SEMA5B: variants seen among roughly 807,000 people sequenced by gnomAD.
The protein encoded by SEMA5B is semaphorin-5B.
In SEMA5B, 66 loss-of-function variants were observed where a neutral mutation model predicts 135.0. That is an observed-to-expected ratio of 0.49 (90% confidence interval 0.40 to 0.60). SEMA5B has a LOEUF of 0.60. SEMA5B is among the 20% of genes least tolerant of loss of function. SEMA5B has a pLI of 0.00. For missense variants in SEMA5B, 1,501 were observed against 1,566.3 expected (o/e 0.96, Z 0.70); for synonymous variants, 690 against 639.5 (o/e 1.08, Z -1.19).
At chr3:122,929,164 G>T in intron 5 of SEMA5B, 106 bp from the exon 6 acceptor site, 1 of 1,089,956 alleles carries the variant, frequency 9.2e-7, no homozygotes, top group Non-Finnish European at 1.4e-6. Context: ...ACATGAAGCT[G>T]TGAAGGAGGG....
At position 122,910,902 on chromosome 3, in the gene SEMA5B, G is replaced by C; in HGVS notation, c.3235C>G (p.His1079Asp). 6.2e-7 allele frequency: 1 copy of C among 1,613,794 alleles called. No homozygotes were observed. Among genetic ancestry groups the C allele is most frequent in the Non-Finnish European group, 8.5e-7 (1 of 1,180,020 alleles). The part of the protein sequence containing the change: ...STLVHPATPN[H>D]LHYKGGGTPK... Reference sequence around the variant, plus strand: ...GTGCCTCCGCCCTTGTAGTGCAAATGGTTGGGGGTGGCAGGATGGACCAGT... The same window carrying C: ...GTGCCTCCGCCCTTGTAGTGCAAATCGTTGGGGGTGGCAGGATGGACCAGT... Residue 1079 changes from histidine (H) to aspartate (D), a missense_variant, in exon 22 of 23, where the codon CAT becomes GAT. Transcript: ENST00000357599.
At chr3:123,003,562 C>T (rs928610925) in intron 1 of SEMA5B, among the ~76,000 whole-genome samples, 2 of 152,120 alleles carry the variant, frequency 1.3e-5, no homozygotes, top group African/African-American at 2.4e-5. Flanking sequence ...TGGCCAGGTG[C>T]GGTGGCTCAT....
chr3:122,911,071 G>A (rs772729139), intron 21 of SEMA5B, 26 bp from the exon 22 acceptor site: 6 of 1,576,122 alleles, frequency 3.8e-6, no homozygotes, highest in Non-Finnish European at 5.2e-6. Context: ...CAGGTAGTAA[G>A]ATGAGGGCCA....
rs780924351 is a variant in SEMA5B at position 122,913,629 on chromosome 3, C to T, written c.2185G>A (p.Gly729Ser). 3 of 1,613,404 alleles carry T rather than the reference C, an allele frequency of 1.9e-6. No homozygotes were observed. Among genetic ancestry groups the T allele is most frequent in the East Asian group, 2.2e-5 (1 of 44,876 alleles). The change falls in exon 16 of 23, where the codon GGC becomes AGC. Residue 729 changes from glycine to serine, a missense_variant. By Grantham distance (56) the Gly-to-Ser change is moderately conservative. Coordinates refer to ENST00000357599, the MANE Select transcript of SEMA5B (RefSeq NM_001031702.4). The stretch of plus-strand genomic sequence containing the variant: ...TTGCTGCTGCACTTGCTCCAGGAGC[C>T]CCAGGAAGCCCAGAAGATGGGCACC... ...CPVPIFWASW[G>S]SWSKCSSNCG...
rs1405322211 is a variant in SEMA5B, at chr3:122,928,538, G to A, written c.615C>T (p.Ser205=). 4.5e-6 allele frequency: 7 copies of A among 1,563,980 alleles called. No individual in the cohort carries two copies. The highest frequency in any genetic ancestry group is 6.1e-6 in the Non-Finnish European group (7 of 1,153,878). ...CCACCTGTCTGCTGGTGCACATGGG[G>A]GAAAAGGCATTGGTTCCACACATGA... ...KVFMCGTNAF[S]PMCTSRQVGN... is the part of the protein sequence containing the mutation. The change falls in exon 7 of 23, where the codon TCC becomes TCT. Residue 205 remains serine, a synonymous_variant. Transcript: ENST00000357599.
At chr3:122,987,511 T>C (rs929592457) in intron 1 of SEMA5B, among the ~76,000 whole-genome samples, 1 of 152,226 alleles carries the variant, frequency 6.6e-6, no homozygotes, top group Non-Finnish European at 1.5e-5. Context: ...ATGGGCTAAA[T>C]GCCAGCAGCA....
At chr3:122,955,902 C>T (rs1352957590) in intron 2 of SEMA5B, among the ~76,000 whole-genome samples, 1 of 152,218 alleles carries the variant, frequency 6.6e-6, no homozygotes, top group Non-Finnish European at 1.5e-5. Flanking sequence ...CTACTATGTG[C>T]TGGGCCCTGT....
intron 5 of SEMA5B, among the ~76,000 whole-genome samples, chr3:122,935,502 G>C (rs1281953368): frequency 6.6e-6 from 1 of 151,878 alleles, no homozygotes; most frequent in Non-Finnish European, 1.5e-5. Context: ...AGGAGACCTG[G>C]GTCCCAACCC....
At position 122,926,561 on chromosome 3, in the gene SEMA5B, T is replaced by G; in HGVS notation, c.967A>C (p.Lys323Gln). 1 of 1,614,194 alleles carries G rather than the reference T, an allele frequency of 6.2e-7. No individual in the cohort carries two copies. Among genetic ancestry groups the G allele is most frequent in the Non-Finnish European group, 8.5e-7 (1 of 1,180,040 alleles). ...TVYSRVARVC[K>Q]NDVGGRFLLE... is the part of the protein sequence containing the mutation. ...AGGAATCGGCCCCCCACGTCATTCT[T>G]GCACACGCGGGCCACGCGAGAGTAC... Residue 323 changes from lysine (K) to glutamine (Q), a missense_variant, in exon 9 of 23, where the codon AAG becomes CAG. Lys to Gln is a moderately conservative substitution (Grantham distance 53). This residue lies in a region of SEMA5B where 574 missense variants were observed against 684.7 expected (regional missense o/e 0.84). Transcript: ENST00000357599.
intron 12 of SEMA5B, among the ~76,000 whole-genome samples, chr3:122,918,342 T>C (rs558324266): frequency 1.3e-5 from 2 of 152,276 alleles, no homozygotes; most frequent in Non-Finnish European, 2.9e-5. Context: ...AATTAGGATC[T>C]CCTGGGCATC....
intron 2 of SEMA5B, among the ~76,000 whole-genome samples, chr3:122,951,480 A>C (rs1008105176): frequency 6.6e-6 from 1 of 152,222 alleles, no homozygotes; most frequent in African/African-American, 2.4e-5. Context: ...GTTTGGGTTC[A>C]CTAAAACTCC....
chr3:123,002,235 G>A (rs570794796), intron 1 of SEMA5B, among the ~76,000 whole-genome samples: 5 of 152,276 alleles, frequency 3.3e-5, no homozygotes, highest in South Asian at 2.1e-4. Flanking sequence ...CAGGCATCAC[G>A]GATGGGGGAT....
chr3:122,989,616 A>G (rs1370749613), intron 1 of SEMA5B, among the ~76,000 whole-genome samples: 1 of 152,230 alleles, frequency 6.6e-6, no homozygotes, highest in Non-Finnish European at 1.5e-5. Context: ...AGCACAGAAC[A>G]GAATAGACAC....
At chr3:123,022,946 A>C (rs1325246120) in intron 1 of SEMA5B, among the ~76,000 whole-genome samples, 3 of 152,250 alleles carry the variant, frequency 2.0e-5, no homozygotes, top group African/African-American at 7.2e-5. Flanking sequence ...GAAGGAGAGT[A>C]TTGGAGGAGA....
At chr3:122,941,100 A>G (rs773263764) in intron 4 of SEMA5B, among the ~76,000 whole-genome samples, 12 of 152,280 alleles carry the variant, frequency 7.9e-5, no homozygotes, top group Non-Finnish European at 1.6e-4. Context: ...GTTATAAATG[A>G]ATAAAAAATT....
intron 1 of SEMA5B, among the ~76,000 whole-genome samples, chr3:122,982,758 G>A (rs1411416877): frequency 1.3e-5 from 2 of 152,068 alleles, no homozygotes; most frequent in South Asian, 4.1e-4. Context: ...ACACTGAATG[G>A]AGAAAAAGCA....
At chr3:122,950,373 T>C (rs942260065) in intron 2 of SEMA5B, among the ~76,000 whole-genome samples, 7 of 152,186 alleles carry the variant, frequency 4.6e-5, no homozygotes, top group Admixed American at 1.3e-4. Flanking sequence ...ATCCTGGCAA[T>C]ATCTGGCAAA....
chr3:122,974,235 GA>G, intron 1 of SEMA5B, among the ~76,000 whole-genome samples: 1 of 152,226 alleles, frequency 6.6e-6, no homozygotes, highest in Admixed American at 6.5e-5. Context: ...GCCCTGGCCA[GA>G]AGCATTTCTG....
At chr3:122,974,106 A>T (rs1042153894) in intron 1 of SEMA5B, among the ~76,000 whole-genome samples, 3 of 151,986 alleles carry the variant, frequency 2.0e-5, no homozygotes, top group Non-Finnish European at 2.9e-5. Flanking sequence ...ACCACCCCCC[A>T]TCTGCTCCCG....
Sources: allele counts gnomAD v4.1 joint callset (sites outside exome capture counted in the v4.1 genomes callset), GRCh38; gene constraint gnomAD v4.1.1; regional missense constraint gnomAD v4.1.1; transcripts MANE v1.5; gene names NCBI Gene and HGNC (gene_info 2026-07-23, HGNC 2026-07-21).